The following CUL3 variants were observed in gnomAD, a reference collection of about 807,000 sequenced individuals.
CUL3 encodes cullin 3, also known as cullin-3.
CUL3 carries 19 observed loss-of-function variants against 89.1 expected under a neutral mutation model. The observed-to-expected ratio is 0.21, with a 90% CI of 0.15 to 0.31. CUL3 has a LOEUF of 0.31. Among genes scored for constraint, CUL3 ranks in the 10% least tolerant of loss-of-function variants. CUL3 has a pLI of 1.00. For synonymous variants in CUL3, 351 were observed against 308.4 expected (o/e 1.14, Z -1.45); for missense variants, 469 against 942.3 (o/e 0.50, Z 6.58).
At chr2:224,495,186 G>A (rs752579412) in intron 13 of CUL3, 4 of 151,940 alleles carry the variant, frequency 2.6e-5, no homozygotes, top group Middle Eastern at 3.4e-3. Context: ...CAACTAAAGC[G>A]GCTCAAAATC....
At chr2:224,568,499 T>C (rs910750962) in intron 1 of CUL3, among the ~76,000 whole-genome samples, 1 of 152,226 alleles carries the variant, frequency 6.6e-6, no homozygotes, top group African/African-American at 2.4e-5. Flanking sequence ...ACACAAACTT[T>C]TTACTTATAA....
chr2:224,515,530 A>G (rs1392133311), intron 3 of CUL3, among the ~76,000 whole-genome samples: 1 of 152,188 alleles, frequency 6.6e-6, no homozygotes, highest in Non-Finnish European at 1.5e-5. Context: ...TAAAATTATT[A>G]AGTTATATGT....
intron 1 of CUL3, among the ~76,000 whole-genome samples, chr2:224,561,815 G>A (rs181446307): frequency 5.3e-5 from 8 of 152,176 alleles, no homozygotes; most frequent in Non-Finnish European, 1.2e-4. Flanking sequence ...AGCTACGTAC[G>A]TGCAATGTGG....
intron 15 of CUL3, among the ~76,000 whole-genome samples, chr2:224,477,442 T>C (rs1691365760): frequency 6.6e-6 from 1 of 152,214 alleles, no homozygotes; most frequent in African/African-American, 2.4e-5. Flanking sequence ...CACTGAGCAA[T>C]TTAATCCACA....
At chr2:224,474,403 T>A in intron 15 of CUL3, 27 bp from the exon 16 acceptor site, 1 of 1,599,306 alleles carries the variant, frequency 6.3e-7, no homozygotes, top group Non-Finnish European at 8.5e-7. Flanking sequence ...ATAGTATTTT[T>A]ATATAAACAC....
chr2:224,530,829 C>T (rs1440621225), intron 3 of CUL3, among the ~76,000 whole-genome samples: 1 of 152,132 alleles, frequency 6.6e-6, no homozygotes, highest in Non-Finnish European at 1.5e-5. Flanking sequence ...ATCACTTCAA[C>T]CCAGGAGGCG....
At chr2:224,531,674 G>A (rs1261175018) in intron 3 of CUL3, among the ~76,000 whole-genome samples, 2 of 152,110 alleles carry the variant, frequency 1.3e-5, no homozygotes, top group East Asian at 1.9e-4. Flanking sequence ...TGGGGAGTAC[G>A]TGGGTCAGGG....
At chr2:224,551,680 G>C (rs1694523190) in intron 2 of CUL3, among the ~76,000 whole-genome samples, 1 of 152,054 alleles carries the variant, frequency 6.6e-6, no homozygotes. Context: ...CTGGAATACT[G>C]CCATGTTCAT....
chr2:224,474,880 G>T (rs866082652), intron 15 of CUL3, among the ~76,000 whole-genome samples: 14 of 152,118 alleles, frequency 9.2e-5, no homozygotes, highest in African/African-American at 3.1e-4. Flanking sequence ...CATAGTAAGT[G>T]CTTCTGTTGG....
chr2:224,518,911 C>T (rs1170177070), intron 3 of CUL3, among the ~76,000 whole-genome samples: 1 of 152,154 alleles, frequency 6.6e-6, no homozygotes, highest in African/African-American at 2.4e-5. Flanking sequence ...ACCTTATGGC[C>T]TACAATGTCT....
At chr2:224,503,862 T>C (rs1384887973) in intron 8 of CUL3, 40 bp from the exon 9 acceptor site, 34 of 1,454,466 alleles carry the variant, frequency 2.3e-5, no homozygotes, top group Non-Finnish European at 3.1e-5. Flanking sequence ...ACAATTTTAG[T>C]TCTACAAAAG....
chr2:224,537,324 A>G (rs1484589322), intron 2 of CUL3, among the ~76,000 whole-genome samples: 1 of 152,204 alleles, frequency 6.6e-6, no homozygotes, highest in Non-Finnish European at 1.5e-5. Flanking sequence ...ATGAGACAAT[A>G]TATCTAGTCT....
intron 8 of CUL3, among the ~76,000 whole-genome samples, chr2:224,504,941 A>G (rs1271545997): frequency 6.9e-6 from 1 of 144,164 alleles, no homozygotes; most frequent in Non-Finnish European, 1.5e-5. Context: ...TACACCAACC[A>G]TTTTCTGAGA....
At position 224,585,046 on chromosome 2, in the gene CUL3, C is replaced by T. The variant is rs1343777515; in HGVS notation, c.-37G>A. 6.9e-7 allele frequency: 1 copy of T among 1,454,758 alleles called. No homozygotes were observed. The allele number at this position is 1,454,758 out of a possible 1,614,324, so 90.1% of individuals were successfully genotyped here. A position where few individuals can be genotyped will look rare whatever the true frequency, so the allele number is the denominator to read the frequency against. On this transcript the variant is annotated 5_prime_UTR_variant, in exon 1 of 16. Transcript: ENST00000264414. The stretch of plus-strand genomic sequence containing the variant: ...CCTCCCCGGCGGCGGCTTCAGGTCG[C>T]GCTCCGCGACGCCGGTGTCACATTT...
intron 13 of CUL3, among the ~76,000 whole-genome samples, chr2:224,487,403 A>G (rs562362865): frequency 6.6e-6 from 1 of 151,024 alleles, no homozygotes; most frequent in Non-Finnish European, 1.5e-5. Context: ...ACAGGCTCAA[A>G]ATAAAGGGAT....
chr2:224,531,499 T>C (rs370437308), intron 3 of CUL3, among the ~76,000 whole-genome samples: 31 of 152,064 alleles, frequency 2.0e-4, no homozygotes, highest in East Asian at 1.9e-3. Flanking sequence ...AGTGCCTAGT[T>C]TGTACAAGGA....
intron 2 of CUL3, among the ~76,000 whole-genome samples, chr2:224,547,967 T>C (rs1189780714): frequency 6.6e-6 from 1 of 152,026 alleles, no homozygotes; most frequent in Non-Finnish European, 1.5e-5. Context: ...CATCTAGAAA[T>C]AGGGAGAAAA....
At chr2:224,503,585 G>T (rs1454078189) in intron 9 of CUL3, 67 bp downstream of exon 9, 2 of 1,244,346 alleles carry the variant, frequency 1.6e-6, no homozygotes, top group Non-Finnish European at 1.1e-6. Context: ...TTCCAATCAC[G>T]TTGTCAGTAC....
intron 8 of CUL3, among the ~76,000 whole-genome samples, chr2:224,505,200 T>C (rs1963594): frequency 0.75 from 112,257 of 150,426 alleles, 42,478 homozygotes; most frequent in African/African-American, 0.89. Flanking sequence ...TGCAGTGGCG[T>C]CATCTTGGCT....
Sources: gnomAD v4.1 joint callset for allele counts (sites outside exome capture counted in the v4.1 genomes callset) on GRCh38, gnomAD v4.1.1 for gene constraint, MANE v1.5 for transcripts, NCBI Gene and HGNC (gene_info 2026-07-23, HGNC 2026-07-21) for gene names.